Variants in CCDC201 observed in about 807,000 individuals in gnomAD.
CCDC201 encodes the protein coiled-coil domain containing 201, also known as coiled-coil domain-containing protein 201.
upstream of CCDC201, among the ~76,000 whole-genome samples, chr7:45,877,914 A>G (rs551292660): frequency 6.6e-6 from 1 of 152,350 alleles, no homozygotes; most frequent in South Asian, 2.1e-4. Flanking sequence ...TGAGACAAAG[A>G]AAGTCCCTTT....
chr7:45,864,275 G>A lies in CCDC201; in HGVS notation c.478-1104C>T, dbSNP rs182519011. ...CTTGTGGGGATCCAGGCTCAGCTGGGGGCCGCTGGGATGCTCCATCGGGAG... is the reference window on the plus strand; with the variant it reads ...CTTGTGGGGATCCAGGCTCAGCTGGAGGCCGCTGGGATGCTCCATCGGGAG... On this transcript the variant is annotated intron_variant, in intron 2 of 2. Coordinates refer to ENST00000636578, the Ensembl canonical transcript of CCDC201. Among the ~76,000 whole-genome samples, 10 of 152,272 alleles carry A rather than the reference G, an allele frequency of 6.6e-5. No individual in the cohort carries two copies. In the East Asian group the frequency reaches 1.9e-3, roughly 29 times the overall value.
At chr7:45,877,805 C>T (rs1217931532), upstream of CCDC201, among the ~76,000 whole-genome samples, 2 of 152,188 alleles carry the variant, frequency 1.3e-5, no homozygotes, top group African/African-American at 4.8e-5. Context: ...ATCTCATGCC[C>T]TTCTCACATT....
the CCDC201 span, among the ~76,000 whole-genome samples, chr7:45,880,397 A>G: frequency 6.6e-6 from 1 of 152,260 alleles, no homozygotes; most frequent in Admixed American, 6.5e-5. Flanking sequence ...CATGATCCTC[A>G]TACGGTAACT....
At chr7:45,863,792 C>G (rs998472135) in intron 2 of CCDC201, among the ~76,000 whole-genome samples, 4 of 152,068 alleles carry the variant, frequency 2.6e-5, no homozygotes, top group Non-Finnish European at 5.9e-5. Flanking sequence ...TGGTCAGTGT[C>G]TTCCTAACGC....
At chr7:45,874,473 TGAAA>T (rs1786777065), upstream of CCDC201, among the ~76,000 whole-genome samples, 4 of 152,226 alleles carry the variant, frequency 2.6e-5, no homozygotes, top group East Asian at 5.8e-4. Context: ...TTCCCAGCTC[TGAAA>T]CATCTGCACA....
exon 3 of CCDC201, chr7:45,860,855 T>G (rs558900250): frequency 1.3e-5 from 2 of 152,382 alleles, no homozygotes; most frequent in Admixed American, 1.3e-4. Context: ...ATTTGTGAAA[T>G]CCAAGAGATT....
At chr7:45,881,379 C>G in the CCDC201 span, among the ~76,000 whole-genome samples, 1 of 152,178 alleles carries the variant, frequency 6.6e-6, no homozygotes, top group African/African-American at 2.4e-5. Flanking sequence ...TGTGCAAGTG[C>G]GGGCCCAGAA....
intron 1 of CCDC201, among the ~76,000 whole-genome samples, chr7:45,872,089 G>A (rs1583654228): frequency 6.6e-6 from 1 of 152,296 alleles, no homozygotes. Context: ...GGAAAGGGCT[G>A]GAGGACAGCA....
intron 1 of CCDC201, among the ~76,000 whole-genome samples, chr7:45,871,643 G>T (rs1486444055): frequency 2.0e-5 from 3 of 152,120 alleles, no homozygotes; most frequent in Non-Finnish European, 4.4e-5. Context: ...CCAATGCAAA[G>T]ACAAAAGATG....
upstream of CCDC201, among the ~76,000 whole-genome samples, chr7:45,875,630 A>G (rs576603070): frequency 2.0e-5 from 3 of 152,302 alleles, no homozygotes; most frequent in East Asian, 5.8e-4. Flanking sequence ...GTTTGAAGGT[A>G]AAGCTCCCTT....
chr7:45,861,881 A>G (rs570186405), exon 3 of CCDC201: 1 of 152,378 alleles, frequency 6.6e-6, no homozygotes, highest in African/African-American at 2.4e-5. Context: ...TTTAGAGTGG[A>G]TGATGCAAAC....
At chr7:45,867,129 T>G (rs1224567780) in intron 1 of CCDC201, among the ~76,000 whole-genome samples, 3 of 152,264 alleles carry the variant, frequency 2.0e-5, no homozygotes, top group Non-Finnish European at 4.4e-5. Flanking sequence ...CACATTTGTG[T>G]TCACCATAAG....
In CCDC201 at chr7:45,871,186, T is replaced by G. The variant is rs1475848016; in HGVS notation, c.18+1804A>C. 2.6e-5 allele frequency among the ~76,000 whole-genome samples: 4 copies of G among 152,314 alleles called. No homozygotes were observed. In the East Asian group the frequency reaches 5.8e-4, roughly 22 times the overall value. On this transcript the variant is annotated intron_variant, in intron 1 of 2. Transcript: ENST00000636578. ...CCCAGACATGCATAGGAGGATGTCA[T>G]GTGGCAGAAGGTACATCTCAAATAA...
chr7:45,883,266 G>T, the CCDC201 span, among the ~76,000 whole-genome samples: 17 of 152,090 alleles, frequency 1.1e-4, no homozygotes, highest in African/African-American at 3.6e-4. Context: ...ACTAAACCAG[G>T]TGAGACACAC....
At chr7:45,863,126 C>G (rs759869173) in exon 3 of CCDC201, 4 of 152,266 alleles carry the variant, frequency 2.6e-5, no homozygotes, top group Non-Finnish European at 5.9e-5. Flanking sequence ...GTGGCTTCCT[C>G]AATGTTCTGA....
Position 45,870,062 on chromosome 7 carries a change from G to A in CCDC201, c.18+2928C>T, listed in dbSNP as rs550121030. ...GAACAGATGACCTCAGGTGATCCAC[G>A]TGCCTCGGCCTCCCAAAGTGCTAGG... On this transcript the variant is annotated intron_variant, in intron 1 of 2. Coordinates refer to ENST00000636578, the Ensembl canonical transcript of CCDC201. Among the ~76,000 whole-genome samples the A allele has an allele frequency of 6.6e-5, 10 of 152,138 alleles. No homozygotes were observed. The East Asian group carries it at 1.2e-3, about 18-fold the overall frequency.
chr7:45,881,507 G>T, the CCDC201 span, among the ~76,000 whole-genome samples: 2 of 152,144 alleles, frequency 1.3e-5, no homozygotes, highest in Non-Finnish European at 2.9e-5. Flanking sequence ...TTGGTGTAGG[G>T]CCTGGGGATG....
At chr7:45,863,612 G>A (rs1021888524) in intron 2 of CCDC201, among the ~76,000 whole-genome samples, 3 of 152,040 alleles carry the variant, frequency 2.0e-5, no homozygotes, top group Non-Finnish European at 4.4e-5. Context: ...AATGAAGGAG[G>A]CCTCCCCAGT....
chr7:45,866,159 C>G, exon 2 of CCDC201: 1 of 200,612 alleles, frequency 5.0e-6, no homozygotes, highest in Non-Finnish European at 1.0e-5. Context: ...GCTGCTGCTG[C>G]CGCTGCCGCT....
Sources: allele counts gnomAD v4.1 joint callset (sites outside exome capture counted in the v4.1 genomes callset), GRCh38; gene constraint gnomAD v4.1.1; transcripts MANE v1.5; gene names NCBI Gene and HGNC (gene_info 2026-07-23, HGNC 2026-07-21).